Variants in MRPL47 observed in about 807,000 individuals in gnomAD.
The protein encoded by MRPL47 is large ribosomal subunit protein uL29m.
A neutral mutation model predicts 34.0 loss-of-function variants in MRPL47; 31 were observed. The ratio of observed to expected loss-of-function variants is 0.91; its 90% CI spans 0.68 to 1.23. The LOEUF is 1.23. Ranked by LOEUF, MRPL47 falls within the 50% of genes most tolerant of loss-of-function variation. The pLI is 0.00. For missense variants in MRPL47, 328 were observed against 285.8 expected (o/e 1.15, Z -1.07); for synonymous variants, 106 against 101.6 (o/e 1.04, Z -0.26).
intron 1 of MRPL47, among the ~76,000 whole-genome samples, chr3:179,604,211 A>T (rs1719002031): frequency 6.6e-6 from 1 of 152,226 alleles, no homozygotes; most frequent in Non-Finnish European, 1.5e-5. Flanking sequence ...CATCTTCGGT[A>T]AAGTTTTTCG....
intron 1 of MRPL47, among the ~76,000 whole-genome samples, chr3:179,603,209 T>C (rs1448069758): frequency 6.6e-6 from 1 of 152,188 alleles, no homozygotes; most frequent in Non-Finnish European, 1.5e-5. Context: ...ACATTGCTAA[T>C]GGGTGCAAGC....
intron 3 of MRPL47, among the ~76,000 whole-genome samples, chr3:179,599,589 T>C (rs908272622): frequency 6.6e-6 from 1 of 152,180 alleles, no homozygotes; most frequent in African/African-American, 2.4e-5. Flanking sequence ...ATCCATTCTA[T>C]TTTAACTCCA....
chr3:179,597,786 C>A (rs750282512), intron 4 of MRPL47, among the ~76,000 whole-genome samples: 3 of 151,664 alleles, frequency 2.0e-5, no homozygotes, highest in Non-Finnish European at 4.4e-5. Context: ...CCAGCCTGGA[C>A]AACAAGAGCA....
At chr3:179,601,667 C>T (rs1233679509) in intron 3 of MRPL47, 63 bp downstream of exon 3, 1 of 979,964 alleles carries the variant, frequency 1.0e-6, no homozygotes, top group East Asian at 2.4e-5. Flanking sequence ...AGATTGTTTT[C>T]ACCTCATTGT....
intron 4 of MRPL47, among the ~76,000 whole-genome samples, chr3:179,594,492 T>C (rs1190298955): frequency 6.6e-6 from 1 of 152,196 alleles, no homozygotes; most frequent in Non-Finnish European, 1.5e-5. Flanking sequence ...TATACATATA[T>C]ATATTTTTTA....
At position 179,594,375 on chromosome 3, in the gene MRPL47, G is replaced by T. The variant is rs368513546; in HGVS notation, c.403-480C>A. ...AAGGAATAGCAGTCCATCCAGATAT[G>T]AATCTCCAAAGATTTATCAAGATGC... On this transcript the variant is annotated intron_variant, in intron 4 of 6. Coordinates refer to ENST00000476781, the MANE Select transcript of MRPL47 (RefSeq NM_020409.3). Among the ~76,000 whole-genome samples the T allele has an allele frequency of 1.0e-3, 153 of 152,282 alleles. 3 individuals are homozygous for T. In the South Asian group the frequency reaches 0.031, roughly 31 times the overall value.
At chr3:179,593,334 T>TA (rs1015493323) in intron 5 of MRPL47, among the ~76,000 whole-genome samples, 85 of 152,058 alleles carry the variant, frequency 5.6e-4, no homozygotes, top group Admixed American at 3.9e-3. Flanking sequence ...CCTGAGACTT[T>TA]AAAAAAAATA....
chr3:179,599,239 T>C (rs1718867832), intron 3 of MRPL47, among the ~76,000 whole-genome samples: 1 of 151,900 alleles, frequency 6.6e-6, no homozygotes, highest in Non-Finnish European at 1.5e-5. Context: ...CCATTATACA[T>C]AAACTATCTT....
intron 6 of MRPL47, among the ~76,000 whole-genome samples, chr3:179,591,624 G>A (rs1718674373): frequency 6.6e-6 from 1 of 152,136 alleles, no homozygotes; most frequent in African/African-American, 2.4e-5. Flanking sequence ...CATGAGTTTA[G>A]ATATAATATA....
chr3:179,600,359 G>A (rs1168120172), intron 3 of MRPL47, among the ~76,000 whole-genome samples: 1 of 151,854 alleles, frequency 6.6e-6, no homozygotes, highest in Admixed American at 6.6e-5. Flanking sequence ...CATAAATGTT[G>A]GCTGGGCACG....
intron 6 of MRPL47, among the ~76,000 whole-genome samples, chr3:179,592,388 G>A (rs1287601367): frequency 6.6e-6 from 1 of 151,230 alleles, no homozygotes; most frequent in Non-Finnish European, 1.5e-5. Context: ...TAGAGACGGG[G>A]TTTCACCATG....
Position 179,604,515 on chromosome 3 carries a change from T to C in MRPL47, c.98+12A>G, listed in dbSNP as rs373627458. ...TGGAGAGGTGGGCAAACCTACTTTA[T>C]ACATCACTTACCCTGTGCAGGCAGG... On this transcript the variant is annotated intron_variant, in intron 1 of 6. Transcript: ENST00000476781. 3 of 1,611,392 alleles carry C rather than the reference T, an allele frequency of 1.9e-6. No homozygotes were observed. The highest frequency in any genetic ancestry group is 1.3e-5 in the African/African-American group (1 of 74,792).
rs200071881 is a variant in MRPL47, at chr3:179,604,573, T to G, written c.52A>C (p.Lys18Gln). Residue 18 changes from lysine (K) to glutamine (Q), a missense_variant, in exon 1 of 7, where the codon AAA becomes CAA. By Grantham distance (53) the Lys-to-Gln change is moderately conservative. Coordinates refer to ENST00000476781, the MANE Select transcript of MRPL47 (RefSeq NM_020409.3). ...GGAGTTATTAACGATCGGGAAGATT[T>G]CAGGGCGGATGAAACTCTCCTACAA... is the stretch of plus-strand genomic sequence containing the variant. ...LLCRRVSSAL[K>Q]SSRSLITPQV... The G allele has an allele frequency of 1.9e-6, 3 of 1,614,152 alleles. No homozygotes were observed. In the East Asian group the frequency reaches 6.7e-5, roughly 36 times the overall value.
intron 3 of MRPL47, among the ~76,000 whole-genome samples, chr3:179,600,788 C>G (rs6443660): frequency 0.83 from 125,770 of 152,186 alleles, 52,572 homozygotes; most frequent in African/African-American, 0.95. Context: ...TTGCTCCACA[C>G]ACCAGCCAAG....
chr3:179,593,689 T>TA, intron 5 of MRPL47, 76 bp downstream of exon 5: 1 of 1,393,264 alleles, frequency 7.2e-7, no homozygotes, highest in Non-Finnish European at 9.6e-7. Flanking sequence ...AATTTTTTTT[T>TA]AAAAGATATT....
intron 3 of MRPL47, among the ~76,000 whole-genome samples, chr3:179,599,120 G>C (rs1718864446): frequency 6.6e-6 from 1 of 150,418 alleles, no homozygotes; most frequent in Non-Finnish European, 1.5e-5. Context: ...AGTGGGCTAA[G>C]ATCACACTAC....
rs746256582 is a variant in MRPL47 at position 179,601,739 on chromosome 3, T to C, written c.296A>G (p.His99Arg). Residue 99 changes from histidine to arginine, a missense_variant, in exon 3 of 7, where the codon CAC becomes CGC. His to Arg is a conservative substitution (Grantham distance 29). Coordinates refer to ENST00000476781, the MANE Select transcript of MRPL47 (RefSeq NM_020409.3). ...TACTTAGTATACTTACCAAAGTTTGTGTAAATCTTCATTACTTTTGTTCCT... is the reference window on the plus strand; with the variant it reads ...TACTTAGTATACTTACCAAAGTTTGCGTAAATCTTCATTACTTTTGTTCCT... ...QLRNKSNEDL[H>R]KLWYVLLKER... 47 of 1,603,344 alleles carry C rather than the reference T, an allele frequency of 2.9e-5. No individual in the cohort carries two copies. Among genetic ancestry groups the C allele is most frequent in the Non-Finnish European group, 3.8e-5 (45 of 1,170,658 alleles).
chr3:179,599,413 T>G (rs552541841), intron 3 of MRPL47, among the ~76,000 whole-genome samples: 27 of 152,320 alleles, frequency 1.8e-4, no homozygotes, highest in East Asian at 1.3e-3. Context: ...TGCCAGACAA[T>G]GTGTTAAACA....
rs1718935283 is a variant in MRPL47 at position 179,601,883 on chromosome 3, C to G, written c.245-93G>C. 3 of 806,496 alleles carry G rather than the reference C, an allele frequency of 3.7e-6. No homozygotes were observed. The South Asian group carries it at 4.9e-5, about 13-fold the overall frequency. 50.0% of individuals were successfully genotyped at this position (806,496 alleles called of 1,614,324 possible). On this transcript the variant is annotated intron_variant, in intron 2 of 6. Coordinates refer to ENST00000476781, the MANE Select transcript of MRPL47 (RefSeq NM_020409.3). ...TCTCTAAACCTGTCTAAACCTGTTT[C>G]TTTATCTGTAAAATATATAACAGCT...
Sources: gnomAD v4.1 joint callset for allele counts (sites outside exome capture counted in the v4.1 genomes callset) on GRCh38, gnomAD v4.1.1 for gene constraint, MANE v1.5 for transcripts, NCBI Gene and HGNC (gene_info 2026-07-23, HGNC 2026-07-21) for gene names.